Variants in CCDC175 observed in about 807,000 individuals in gnomAD.
CCDC175 encodes coiled-coil domain-containing protein 175.
CCDC175 carries 100 observed loss-of-function variants against 114.6 expected under a neutral mutation model. The observed-to-expected ratio is 0.87, with a 90% CI of 0.74 to 1.03. The LOEUF (loss-of-function observed/expected upper bound fraction) is 1.03. CCDC175 is among the 50% of genes least tolerant of loss of function. The pLI is 0.00. For synonymous variants in CCDC175, 306 were observed against 308.7 expected, an observed-to-expected ratio of 0.99 and a Z score of 0.09; for missense variants, 880 against 917.8, an observed-to-expected ratio of 0.96 and a Z score of 0.53.
chr14:59,528,080 T>C (rs1181380466), intron 14 of CCDC175, among the ~76,000 whole-genome samples: 1 of 152,170 alleles, frequency 6.6e-6, no homozygotes, highest in African/African-American at 2.4e-5. Flanking sequence ...TGAGATCTTG[T>C]ATATCTCAAT....
chr14:59,533,676 TTTAAGCAGGTTGAG>T (rs1210529109), intron 13 of CCDC175, among the ~76,000 whole-genome samples: 2 of 150,008 alleles, frequency 1.3e-5, no homozygotes, highest in African/African-American at 2.4e-5. Flanking sequence ...GACTGCAACA[TTTAAGCAGGTTGAG>T]TTAAGAAACT....
At chr14:59,545,324 TGA>T (rs1459803133) in intron 8 of CCDC175, 25 bp from the exon 9 acceptor site, 6 of 1,534,766 alleles carry the variant, frequency 3.9e-6, no homozygotes, top group Non-Finnish European at 5.2e-6. Flanking sequence ...AGGAGGTGAA[TGA>T]GAGGACTGGC....
At chr14:59,534,522 T>G (rs1894279523) in intron 13 of CCDC175, among the ~76,000 whole-genome samples, 1 of 152,186 alleles carries the variant, frequency 6.6e-6, no homozygotes, top group African/African-American at 2.4e-5. Context: ...CAGCACCAGA[T>G]GTAAAGCTGA....
chr14:59,565,098 C>T lies in CCDC175; in HGVS notation c.669G>A (p.Met223Ile), dbSNP rs1414833009. 1.3e-6 allele frequency: 2 copies of T among 1,537,640 alleles called. No individual in the cohort carries two copies. ...KKCIQEAEELMEKERAEYLIR... is the reference protein window; with the variant it reads ...KKCIQEAEELIEKERAEYLIR... ...TTAGATATTCTGCCCTTTCTTTTTCCATTAGCTCCTCTGCCTCTTGAATAC... is the reference window on the plus strand; with the variant it reads ...TTAGATATTCTGCCCTTTCTTTTTCTATTAGCTCCTCTGCCTCTTGAATAC... The change falls in exon 5 of 20, where the codon ATG (methionine) becomes ATA (isoleucine). Residue 223 changes from methionine to isoleucine, a missense_variant. Physicochemically the swap from Met to Ile is conservative, Grantham distance 10. Coordinates refer to ENST00000537690, the MANE Select transcript of CCDC175 (RefSeq NM_001164399.2).
chr14:59,514,457 G>A (rs867608680), intron 17 of CCDC175, among the ~76,000 whole-genome samples: 22 of 152,176 alleles, frequency 1.4e-4, no homozygotes, highest in South Asian at 6.2e-4. Flanking sequence ...TAACCAATGC[G>A]GAGAAGTCCT....
At chr14:59,522,863 C>CA (rs1332640512) in intron 16 of CCDC175, among the ~76,000 whole-genome samples, 1 of 152,194 alleles carries the variant, frequency 6.6e-6, no homozygotes, top group African/African-American at 2.4e-5. Context: ...TTTCTATGTG[C>CA]ATCTCTTCAG....
chr14:59,527,913 T>C (rs928250684), intron 14 of CCDC175, among the ~76,000 whole-genome samples: 1 of 152,116 alleles, frequency 6.6e-6, no homozygotes, highest in Non-Finnish European at 1.5e-5. Context: ...TTTTTCTTTT[T>C]TTAAAGGTTT....
chr14:59,573,641 A>T (rs1896954328), intron 2 of CCDC175, among the ~76,000 whole-genome samples: 1 of 143,818 alleles, frequency 7.0e-6, no homozygotes, highest in Non-Finnish European at 1.5e-5. Flanking sequence ...TTGAGATGGA[A>T]TCTCACTCTG....
intron 3 of CCDC175, 113 bp downstream of exon 3, chr14:59,572,589 T>C: frequency 3.6e-6 from 2 of 557,654 alleles, no homozygotes; most frequent in Admixed American, 3.8e-5. Flanking sequence ...GTGTCATGTA[T>C]GCTTTCTAGC....
intron 9 of CCDC175, among the ~76,000 whole-genome samples, chr14:59,543,768 C>A (rs905904296): frequency 6.6e-6 from 1 of 152,140 alleles, no homozygotes; most frequent in African/African-American, 2.4e-5. Flanking sequence ...TGCTGGATTA[C>A]AGGCGTGAGC....
intron 8 of CCDC175, among the ~76,000 whole-genome samples, chr14:59,549,725 A>AAAAAAAAAAAG (rs1252837181): frequency 1.3e-5 from 2 of 150,904 alleles, no homozygotes; most frequent in Admixed American, 6.6e-5. Flanking sequence ...GTCTCAAAAA[A>AAAAAAAAAAAG]AAAAAGAAAA....
Position 59,563,869 on chromosome 14 carries a change from C to T in CCDC175, c.721-10G>A, listed in dbSNP as rs1162815372. 3 of 1,389,220 alleles carry T rather than the reference C, an allele frequency of 2.2e-6. No homozygotes were observed. Among genetic ancestry groups the T allele is most frequent in the African/African-American group, 1.5e-5 (1 of 66,058 alleles). The allele number at this position is 1,389,220 out of a possible 1,614,324, so 86.1% of individuals were successfully genotyped here. On this transcript the variant is annotated splice_polypyrimidine_tract_variant and intron_variant, in intron 5 of 19. Transcript: ENST00000537690. Reference sequence around the variant, plus strand: ...TTTCAAATTCATTAATCTATAGTGACAAGCATAAGAAACCAATTTAAAAAG... The same window carrying T: ...TTTCAAATTCATTAATCTATAGTGATAAGCATAAGAAACCAATTTAAAAAG...
At position 59,568,373 on chromosome 14, in the gene CCDC175, G is replaced by A. The variant is rs530343503; in HGVS notation, c.363C>T (p.Val121=). ...AAAGATTTAATCTGCGAGCGTCTCG[G>A]ACACATTCTTCAAAGTAAGTGGAAA... ...NSIKRELEEC[V]RDARRLNLFE... Residue 121 remains valine (V), a synonymous_variant, in exon 4 of 20, where the codon GTC becomes GTT. Coordinates refer to ENST00000537690, the MANE Select transcript of CCDC175 (RefSeq NM_001164399.2). 1 of 1,512,232 alleles carries A rather than the reference G, an allele frequency of 6.6e-7. No individual in the cohort carries two copies. The highest frequency in any genetic ancestry group is 1.4e-5 in the African/African-American group (1 of 71,236). 93.7% of individuals were successfully genotyped at this position (1,512,232 alleles called of 1,614,324 possible). A position where few individuals can be genotyped will look rare whatever the true frequency, so the allele number is the denominator to read the frequency against.
At chr14:59,537,926 A>G in intron 13 of CCDC175, 97 bp downstream of exon 13, 1 of 810,512 alleles carries the variant, frequency 1.2e-6, no homozygotes, top group East Asian at 3.2e-5. Flanking sequence ...TAGAATATTT[A>G]TTTTACATTT....
intron 10 of CCDC175, 65 bp downstream of exon 10, chr14:59,543,279 A>G (rs1039237646): frequency 1.7e-6 from 1 of 584,666 alleles, no homozygotes; most frequent in Non-Finnish European, 2.9e-6. Flanking sequence ...ATTTACTGCT[A>G]TCATTTATTA....
chr14:59,560,829 GT>G (rs1049670457), intron 7 of CCDC175, among the ~76,000 whole-genome samples: 1 of 152,020 alleles, frequency 6.6e-6, no homozygotes, highest in Non-Finnish European at 1.5e-5. Flanking sequence ...GGGCATTTTT[GT>G]TTATAGGGAG....
chr14:59,575,044 GA>G lies in CCDC175; in HGVS notation c.158-17del, dbSNP rs1406607611. ...AGTGATTGTTCTGAAAAAAAAATTA[GA>G]AAATAAAGATCTCTTATTTATCTAT... On this transcript the variant is annotated splice_polypyrimidine_tract_variant and intron_variant, in intron 1 of 19. Transcript: ENST00000537690. 1.5e-6 allele frequency: 2 copies of G among 1,320,590 alleles called. No individual in the cohort carries two copies. The highest frequency in any genetic ancestry group is 2.1e-6 in the Non-Finnish European group (2 of 968,958). 81.8% of individuals were successfully genotyped at this position (1,320,590 alleles called of 1,614,324 possible). A position where few individuals can be genotyped will look rare whatever the true frequency, so the allele number is the denominator to read the frequency against.
At chr14:59,514,928 T>C (rs936793826) in intron 17 of CCDC175, among the ~76,000 whole-genome samples, 3 of 152,170 alleles carry the variant, frequency 2.0e-5, no homozygotes, top group Non-Finnish European at 4.4e-5. Context: ...AAGGTCGGGT[T>C]ACCCACAAAG....
chr14:59,551,218 A>T, intron 8 of CCDC175, 137 bp downstream of exon 8: 1 of 497,316 alleles, frequency 2.0e-6, no homozygotes, highest in South Asian at 3.5e-5. Flanking sequence ...AAAATTTTTT[A>T]AATTACTACA....
Sources: gnomAD v4.1 joint callset for allele counts (sites outside exome capture counted in the v4.1 genomes callset) on GRCh38, gnomAD v4.1.1 for gene constraint, MANE v1.5 for transcripts, NCBI Gene and HGNC (gene_info 2026-07-23, HGNC 2026-07-21) for gene names.